The following ACYP2 variants were observed in gnomAD, a reference collection of about 807,000 sequenced individuals.
ACYP2 encodes the protein acylphosphatase-2.
A neutral mutation model predicts 11.2 loss-of-function variants in ACYP2; 12 were observed. The observed-to-expected ratio is 1.08, with a 90% CI of 0.69 to 1.74. The LOEUF is 1.74. Among genes scored for constraint, ACYP2 ranks in the 40% most tolerant of loss-of-function variants. The pLI is 0.00. For missense variants in ACYP2, 134 were observed against 101.9 expected, an observed-to-expected ratio of 1.31 and a Z score of -1.35; for synonymous variants, 43 against 32.2, an observed-to-expected ratio of 1.33 and a Z score of -1.13.
At chr2:54,025,741 A>G (rs1325235301) in intron 2 of ACYP2, among the ~76,000 whole-genome samples, 1 of 152,236 alleles carries the variant, frequency 6.6e-6, no homozygotes, top group East Asian at 1.9e-4. Flanking sequence ...AAAGATAAAT[A>G]GATGGGACTT....
At chr2:54,098,421 C>T (rs894374978) in intron 4 of ACYP2, among the ~76,000 whole-genome samples, 3 of 152,054 alleles carry the variant, frequency 2.0e-5, no homozygotes, top group Admixed American at 2.0e-4. Context: ...CTCATTTCCT[C>T]TCCCTGCCAT....
chr2:54,266,590 C>CTTTTTTTTGT (rs1688034169), intron 6 of ACYP2, among the ~76,000 whole-genome samples: 2 of 52,242 alleles, frequency 3.8e-5, no homozygotes, highest in East Asian at 7.0e-4. Context: ...ATCTATCTAT[C>CTTTTTTTTGT]TTTTTTTTTT....
chr2:54,082,324 C>T (rs2103667035), intron 4 of ACYP2, among the ~76,000 whole-genome samples: 1 of 151,842 alleles, frequency 6.6e-6, no homozygotes, highest in East Asian at 1.9e-4. Context: ...CGGCTCACTG[C>T]AACCTCTGCC....
At chr2:54,228,646 T>C (rs745963820) in intron 6 of ACYP2, among the ~76,000 whole-genome samples, 5 of 152,022 alleles carry the variant, frequency 3.3e-5, no homozygotes, top group Non-Finnish European at 7.4e-5. Flanking sequence ...TGAGGCCAAG[T>C]TCTAAATTGT....
chr2:53,983,317 A>G (rs1342281311), intron 2 of ACYP2, among the ~76,000 whole-genome samples: 2 of 152,082 alleles, frequency 1.3e-5, no homozygotes, highest in Non-Finnish European at 2.9e-5. Flanking sequence ...ACCAACCTGG[A>G]CAACATGACG....
intron 4 of ACYP2, among the ~76,000 whole-genome samples, chr2:54,093,449 A>G (rs1173870216): frequency 1.3e-5 from 2 of 152,230 alleles, no homozygotes; most frequent in Non-Finnish European, 2.9e-5. Flanking sequence ...CTCAAATCTA[A>G]TTTTAACATT....
intron 2 of ACYP2, among the ~76,000 whole-genome samples, chr2:54,011,022 G>A (rs375713245): frequency 6.6e-6 from 1 of 152,010 alleles, no homozygotes; most frequent in Non-Finnish European, 1.5e-5. Flanking sequence ...AGAGAAAGGT[G>A]AGGAACAAAG....
At chr2:54,021,601 C>T (rs1327154230) in intron 2 of ACYP2, among the ~76,000 whole-genome samples, 1 of 152,170 alleles carries the variant, frequency 6.6e-6, no homozygotes, top group East Asian at 1.9e-4. Flanking sequence ...TCTTAAAAGG[C>T]TCTGAAGCGC....
At chr2:54,215,856 T>A (rs950635704) in intron 6 of ACYP2, among the ~76,000 whole-genome samples, 1 of 152,196 alleles carries the variant, frequency 6.6e-6, no homozygotes, top group Non-Finnish European at 1.5e-5. Flanking sequence ...ATTAGGTCAT[T>A]TAAAAACTGT....
intron 6 of ACYP2, among the ~76,000 whole-genome samples, chr2:54,276,657 A>ACACC (rs1688600080): frequency 6.8e-6 from 1 of 147,422 alleles, no homozygotes; most frequent in Admixed American, 6.7e-5. Flanking sequence ...ACACACACAC[A>ACACC]CACACCACAC....
intron 2 of ACYP2, among the ~76,000 whole-genome samples, chr2:54,049,824 T>A (rs960347973): frequency 6.6e-6 from 1 of 152,232 alleles, no homozygotes; most frequent in Non-Finnish European, 1.5e-5. Context: ...TTCTGAGCAA[T>A]TCCTTTCTTC....
chr2:54,280,271 A>T (rs1573043089), intron 6 of ACYP2, among the ~76,000 whole-genome samples: 1 of 152,274 alleles, frequency 6.6e-6, no homozygotes, highest in Admixed American at 6.5e-5. Flanking sequence ...ATCATGGTTG[A>T]TTGACTGTCC....
At chr2:54,105,978 C>G (rs555352073) in intron 4 of ACYP2, among the ~76,000 whole-genome samples, 1 of 152,050 alleles carries the variant, frequency 6.6e-6, no homozygotes, top group South Asian at 2.1e-4. Flanking sequence ...TTTAAATGTT[C>G]TAAGACTATT....
At chr2:54,077,147 A>G (rs1253246242) in intron 4 of ACYP2, among the ~76,000 whole-genome samples, 3 of 152,204 alleles carry the variant, frequency 2.0e-5, no homozygotes, top group Admixed American at 1.3e-4. Context: ...GAAATGTAAG[A>G]TACATTTTCA....
chr2:54,021,071 C>G (rs1277728115), intron 2 of ACYP2, among the ~76,000 whole-genome samples: 11 of 152,100 alleles, frequency 7.2e-5, no homozygotes, highest in Admixed American at 7.2e-4. Flanking sequence ...TGCAGGTAGC[C>G]CCTACTGCTG....
At chr2:54,083,234 C>T (rs1448327226) in intron 4 of ACYP2, among the ~76,000 whole-genome samples, 2 of 152,138 alleles carry the variant, frequency 1.3e-5, no homozygotes, top group Admixed American at 1.3e-4. Context: ...TGCTGCCACC[C>T]GCCAGGGGTC....
Position 54,050,953 on chromosome 2 carries a change from TG to T in ACYP2, c.63-4del. On this transcript the variant is annotated splice_polypyrimidine_tract_variant and splice_region_variant and intron_variant, in intron 2 of 6. Coordinates refer to ENST00000607452, the MANE Select transcript of ACYP2 (RefSeq NM_001320586.2). The stretch of plus-strand genomic sequence containing the variant: ...AACTAATTAAATTTTTTTCTTTTTT[TG>T]TAGATACAAGGTCTCGCTGTTCTAC... 2 of 407,750 alleles carry T rather than the reference TG, an allele frequency of 4.9e-6. No homozygotes were observed. The highest frequency in any genetic ancestry group is 8.6e-6 in the Non-Finnish European group (2 of 232,242). The allele number at this position is 407,750 out of a possible 1,614,324, so 25.3% of individuals were successfully genotyped here.
intron 2 of ACYP2, among the ~76,000 whole-genome samples, chr2:54,017,272 C>CTTTTTT (rs143681564): frequency 3.2e-5 from 4 of 123,136 alleles, no homozygotes; most frequent in African/African-American, 6.9e-5. Flanking sequence ...CTTTTCTTTT[C>CTTTTTT]TTTTTTTTTT....
chr2:54,071,494 C>G (rs1273600505), intron 4 of ACYP2, among the ~76,000 whole-genome samples: 1 of 151,518 alleles, frequency 6.6e-6, no homozygotes, highest in East Asian at 1.9e-4. Context: ...GAGACTGGGT[C>G]TCGCTCTGTC....
Sources: gnomAD v4.1 joint callset for allele counts (sites outside exome capture counted in the v4.1 genomes callset) on GRCh38, gnomAD v4.1.1 for gene constraint, MANE v1.5 for transcripts, NCBI Gene and HGNC (gene_info 2026-07-23, HGNC 2026-07-21) for gene names.